The following VPS13B variants were observed in gnomAD, a reference collection of about 807,000 sequenced individuals.
The protein encoded by VPS13B is vacuolar protein sorting 13 homolog B.
Under a neutral mutation model 426.4 loss-of-function variants are expected in VPS13B, and 285 were observed. That is an observed-to-expected ratio of 0.67 (90% confidence interval 0.61 to 0.74). The LOEUF is 0.74. Ranked by LOEUF, VPS13B falls within the 30% of genes least tolerant of loss-of-function variation. The pLI is 0.00. For synonymous variants in VPS13B, 1,676 were observed against 1,676.4 expected (o/e 1.00, Z 0.01); for missense variants, 4,537 against 4,782.6 (o/e 0.95, Z 1.51).
chr8:99,032,822 G>A (rs1224062475), intron 2 of VPS13B, among the ~76,000 whole-genome samples: 2 of 151,966 alleles, frequency 1.3e-5, no homozygotes, highest in African/African-American at 4.8e-5. Flanking sequence ...TTACAGGTGT[G>A]AGCCACTGCG....
chr8:99,482,858 C>A (rs1470018768), intron 25 of VPS13B, among the ~76,000 whole-genome samples: 2 of 152,058 alleles, frequency 1.3e-5, no homozygotes, highest in African/African-American at 4.8e-5. Flanking sequence ...TAACTCCTAA[C>A]CTTTAAATCC....
intron 39 of VPS13B, among the ~76,000 whole-genome samples, chr8:99,749,539 G>A (rs968336086): frequency 1.3e-5 from 2 of 151,728 alleles, no homozygotes; most frequent in East Asian, 1.9e-4. Context: ...AATGTCCTCC[G>A]GTTCCATCTA....
At chr8:99,601,656 C>T (rs975628602) in intron 33 of VPS13B, among the ~76,000 whole-genome samples, 6 of 152,144 alleles carry the variant, frequency 3.9e-5, no homozygotes, top group African/African-American at 9.7e-5. Context: ...TCCTCCACAC[C>T]GTCTGTTGTT....
Position 99,143,012 on chromosome 8 carries a change from G to A in VPS13B, c.1690G>A (p.Glu564Lys). The A allele has an allele frequency of 1.2e-6, 2 of 1,613,494 alleles. No homozygotes were observed. Among genetic ancestry groups the A allele is most frequent in the Non-Finnish European group, 1.7e-6 (2 of 1,179,854 alleles). ...NQQDFSSGKS[E>K]DLGTVQEKST... ...ACAAGACTTTTCTTCAGGGAAAAGT[G>A]AAGATTTGGGAACAGTTCAGGAGAA... The change falls in exon 13 of 62, where the codon GAA becomes AAA. Residue 564 changes from glutamate (E) to lysine (K), a missense_variant. This residue lies in a region of VPS13B where 4,311 missense variants were observed against 4,474.3 expected (regional missense o/e 0.96). Transcript: ENST00000357162.
chr8:99,838,550 C>T (rs1215026810), intron 54 of VPS13B, among the ~76,000 whole-genome samples: 1 of 152,222 alleles, frequency 6.6e-6, no homozygotes, highest in Non-Finnish European at 1.5e-5. Flanking sequence ...TCAACAAATA[C>T]TGAGTTTCTA....
intron 37 of VPS13B, among the ~76,000 whole-genome samples, chr8:99,719,828 G>A (rs1304343678): frequency 6.6e-6 from 1 of 152,194 alleles, no homozygotes; most frequent in African/African-American, 2.4e-5. Flanking sequence ...TGTTGGCACA[G>A]TCTTACTAAA....
At chr8:99,152,825 G>T (rs1004132827) in intron 14 of VPS13B, among the ~76,000 whole-genome samples, 19 of 152,094 alleles carry the variant, frequency 1.2e-4, no homozygotes, top group Non-Finnish European at 2.6e-4. Context: ...CTTTTGATTA[G>T]TTTTAGTAAG....
intron 19 of VPS13B, among the ~76,000 whole-genome samples, chr8:99,300,867 ATTAT>A (rs1055810083): frequency 2.7e-5 from 4 of 148,808 alleles, no homozygotes; most frequent in African/African-American, 7.4e-5. Flanking sequence ...AAAAAATCAG[ATTAT>A]TTAATATAGT....
At position 99,446,205 on chromosome 8, in the gene VPS13B, T is replaced by C. The variant is rs73702015; in HGVS notation, c.3445+3570T>C. On this transcript the variant is annotated intron_variant, in intron 23 of 61. Coordinates refer to ENST00000357162, the MANE Select transcript of VPS13B (RefSeq NM_152564.5). ...AGAAGCTGTTTTTGTGATGGCCTGA[T>C]GTTAGCAAACTCTCAATTTTGTTTC... Among the ~76,000 whole-genome samples, 526 of 152,314 alleles carry C rather than the reference T, an allele frequency of 3.5e-3. 2 individuals carry two copies. Among genetic ancestry groups the C allele is most frequent in the African/African-American group, 0.012 (489 of 41,580 alleles).
chr8:99,861,692 T>G lies in VPS13B; in HGVS notation c.11045-84T>G, dbSNP rs1046297628. The G allele has an allele frequency of 1.6e-5, 25 of 1,528,632 alleles. No homozygotes were observed. In the African/African-American group the frequency reaches 3.2e-4, roughly 19 times the overall value. The allele number at this position is 1,528,632 out of a possible 1,614,324, so 94.7% of individuals were successfully genotyped here. On this transcript the variant is annotated intron_variant, in intron 57 of 61. Coordinates refer to ENST00000357162, the MANE Select transcript of VPS13B (RefSeq NM_152564.5). ...GGGCATGTCCAGGAGGGGCCACAGGTGCTCCCGCTGCCTCTGAAACTACTG... is the reference window on the plus strand; with the variant it reads ...GGGCATGTCCAGGAGGGGCCACAGGGGCTCCCGCTGCCTCTGAAACTACTG...
At chr8:99,121,043 T>C in intron 7 of VPS13B, 134 bp from the exon 8 acceptor site, 1 of 737,330 alleles carries the variant, frequency 1.4e-6, no homozygotes, top group South Asian at 1.9e-5. Flanking sequence ...TTTCAAATAG[T>C]AATAATCACT....
At chr8:99,770,683 C>T (rs1315816247) in intron 40 of VPS13B, among the ~76,000 whole-genome samples, 3 of 152,168 alleles carry the variant, frequency 2.0e-5, no homozygotes, top group Admixed American at 1.3e-4. Context: ...CGGGAAAATA[C>T]ATACCCTTAC....
intron 44 of VPS13B, among the ~76,000 whole-genome samples, chr8:99,812,289 C>T (rs1259325757): frequency 6.6e-6 from 1 of 152,276 alleles, no homozygotes; most frequent in South Asian, 2.1e-4. Context: ...TAAAGTACAT[C>T]AGAGACGTAG....
At chr8:99,703,306 A>G (rs1427458470) in intron 36 of VPS13B, among the ~76,000 whole-genome samples, 1 of 152,100 alleles carries the variant, frequency 6.6e-6, no homozygotes, top group Non-Finnish European at 1.5e-5. Context: ...TGGGAGTTTC[A>G]TAGGATTTGA....
chr8:99,683,324 T>C (rs1299951367), intron 35 of VPS13B, among the ~76,000 whole-genome samples: 2 of 152,234 alleles, frequency 1.3e-5, no homozygotes, highest in African/African-American at 4.8e-5. Context: ...ATGTTTTGGT[T>C]ATTCTTGTTC....
At chr8:99,751,554 C>T (rs1044424155) in intron 39 of VPS13B, among the ~76,000 whole-genome samples, 5 of 152,194 alleles carry the variant, frequency 3.3e-5, no homozygotes, top group Admixed American at 6.5e-5. Flanking sequence ...CTGTCTGCCT[C>T]GCTGATCGTT....
intron 30 of VPS13B, 120 bp from the exon 31 acceptor site, chr8:99,556,330 C>T (rs1447714119): frequency 3.8e-6 from 4 of 1,048,732 alleles, no homozygotes; most frequent in Non-Finnish European, 5.6e-6. Flanking sequence ...CCAGTTTATT[C>T]ATCAGTAATC....
chr8:99,111,946 T>A (rs1563546730), intron 6 of VPS13B, among the ~76,000 whole-genome samples: 1 of 152,118 alleles, frequency 6.6e-6, no homozygotes, highest in Non-Finnish European at 1.5e-5. Flanking sequence ...CCTTTTTTCC[T>A]CTCCCTCCTT....
At chr8:99,075,943 T>C (rs1047854587) in intron 3 of VPS13B, among the ~76,000 whole-genome samples, 1 of 152,120 alleles carries the variant, frequency 6.6e-6, no homozygotes, top group African/African-American at 2.4e-5. Flanking sequence ...TTCTTGAGAG[T>C]CATCATTAGG....
Sources: allele counts gnomAD v4.1 joint callset (sites outside exome capture counted in the v4.1 genomes callset), GRCh38; gene constraint gnomAD v4.1.1; regional missense constraint gnomAD v4.1.1; transcripts MANE v1.5; gene names NCBI Gene and HGNC (gene_info 2026-07-23, HGNC 2026-07-21).